KIAA1328: variants seen among roughly 807,000 people sequenced by gnomAD.
KIAA1328 encodes the protein protein hinderin.
KIAA1328 carries 52 observed loss-of-function variants against 68.1 expected under a neutral mutation model. The observed-to-expected ratio is 0.76, with a 90% CI of 0.61 to 0.96. KIAA1328 has a LOEUF of 0.96. KIAA1328 is among the 40% of genes least tolerant of loss of function. The pLI, the probability that KIAA1328 is intolerant of heterozygous loss-of-function variation, is 0.00. For synonymous variants in KIAA1328, 232 were observed against 239.4 expected (o/e 0.97, Z 0.28); for missense variants, 641 against 677.6 (o/e 0.95, Z 0.60).
At chr18:36,956,543 T>TTG (rs766320088) in intron 5 of KIAA1328, among the ~76,000 whole-genome samples, 3 of 137,164 alleles carry the variant, frequency 2.2e-5, no homozygotes, top group Non-Finnish European at 4.7e-5. Flanking sequence ...AGGAAGGAAG[T>TTG]GGGGGGGGGG....
intron 7 of KIAA1328, among the ~76,000 whole-genome samples, chr18:37,126,281 C>T (rs2151945338): frequency 6.6e-6 from 1 of 152,244 alleles, no homozygotes; most frequent in African/African-American, 2.4e-5. Flanking sequence ...TAGTCCTAAA[C>T]ATTTCACATA....
chr18:37,141,257 A>T (rs1022903549), intron 7 of KIAA1328, among the ~76,000 whole-genome samples: 8 of 152,190 alleles, frequency 5.3e-5, no homozygotes, highest in African/African-American at 1.9e-4. Flanking sequence ...GTTTCCCTCC[A>T]AAGATCCCTA....
chr18:37,011,432 A>G (rs1358222130), intron 6 of KIAA1328, among the ~76,000 whole-genome samples: 2 of 152,134 alleles, frequency 1.3e-5, no homozygotes, highest in African/African-American at 4.8e-5. Flanking sequence ...TGCACTCTTC[A>G]TTGTAAATAA....
Position 36,877,857 on chromosome 18 carries a change from C to T in KIAA1328, c.333-7700C>T, listed in dbSNP as rs188260169. Among the ~76,000 whole-genome samples, 24 of 151,684 alleles carry T rather than the reference C, an allele frequency of 1.6e-4. No individual in the cohort carries two copies. The East Asian group carries it at 1.8e-3, about 11-fold the overall frequency. On this transcript the variant is annotated intron_variant, in intron 4 of 9. Coordinates refer to ENST00000280020, the MANE Select transcript of KIAA1328 (RefSeq NM_020776.3). ...AATTTTTTTGTATTTTTATTAGAGA[C>T]GGGGTTTCACCATGTTAGCCAGGAT...
chr18:36,959,654 G>T (rs1399273983), intron 6 of KIAA1328, among the ~76,000 whole-genome samples: 1 of 152,088 alleles, frequency 6.6e-6, no homozygotes, highest in Admixed American at 6.6e-5. Flanking sequence ...CAGTCTGTGT[G>T]GGTCAGTGGG....
At chr18:37,185,362 T>C (rs1317523026) in intron 9 of KIAA1328, among the ~76,000 whole-genome samples, 1 of 152,024 alleles carries the variant, frequency 6.6e-6, no homozygotes, top group Non-Finnish European at 1.5e-5. Context: ...CAAAATCATG[T>C]CTGGAAAACA....
chr18:37,022,290 TAAGG>T (rs1227963049), intron 6 of KIAA1328, among the ~76,000 whole-genome samples: 1 of 152,098 alleles, frequency 6.6e-6, no homozygotes, highest in East Asian at 1.9e-4. Context: ...AGTATTCAGA[TAAGG>T]AAGGTATAGA....
intron 5 of KIAA1328, among the ~76,000 whole-genome samples, chr18:36,951,330 A>C (rs1171130016): frequency 3.3e-5 from 5 of 152,180 alleles, no homozygotes; most frequent in Non-Finnish European, 5.9e-5. Flanking sequence ...CATCTCATTC[A>C]GTCTCAGATG....
chr18:36,866,685 A>G (rs1250414155), intron 4 of KIAA1328, among the ~76,000 whole-genome samples: 1 of 152,154 alleles, frequency 6.6e-6, no homozygotes, highest in Non-Finnish European at 1.5e-5. Flanking sequence ...ACTTTTGGAT[A>G]AATAGAGAAT....
chr18:36,848,541 C>CTTTGTTTTT, intron 4 of KIAA1328, among the ~76,000 whole-genome samples: 1 of 38,152 alleles, frequency 2.6e-5, no homozygotes, highest in African/African-American at 1.2e-4. Flanking sequence ...TCTATAGATG[C>CTTTGTTTTT]TTTTTTTTTT....
chr18:36,931,493 C>A (rs1409000962), intron 5 of KIAA1328, among the ~76,000 whole-genome samples: 3 of 152,044 alleles, frequency 2.0e-5, no homozygotes, highest in East Asian at 3.9e-4. Flanking sequence ...CATACCACCC[C>A]ACAATGTCTG....
intron 5 of KIAA1328, among the ~76,000 whole-genome samples, chr18:36,953,995 C>CTTTTTCTTTTTTTTTT (rs2051286847): frequency 8.8e-6 from 1 of 113,548 alleles, no homozygotes; most frequent in African/African-American, 3.0e-5. Flanking sequence ...CTGATTGTTT[C>CTTTTTCTTTTTTTTTT]TTTTTTTTTT....
chr18:37,069,207 T>A (rs1483511313), intron 7 of KIAA1328, among the ~76,000 whole-genome samples: 6 of 152,044 alleles, frequency 3.9e-5, no homozygotes, highest in Non-Finnish European at 5.9e-5. Flanking sequence ...TATGATTTTT[T>A]AAAATGTTAC....
chr18:37,132,128 C>T (rs2058537337), intron 7 of KIAA1328, among the ~76,000 whole-genome samples: 1 of 151,802 alleles, frequency 6.6e-6, no homozygotes, highest in Admixed American at 6.6e-5. Context: ...TGTTTATTTA[C>T]CCAAAGCTGC....
intron 9 of KIAA1328, among the ~76,000 whole-genome samples, chr18:37,178,796 T>C (rs2059643833): frequency 6.6e-6 from 1 of 152,198 alleles, no homozygotes; most frequent in Non-Finnish European, 1.5e-5. Flanking sequence ...GATATTTCAT[T>C]GTGGTTTTGA....
intron 6 of KIAA1328, among the ~76,000 whole-genome samples, chr18:37,036,630 C>A (rs1486147390): frequency 6.6e-6 from 1 of 152,202 alleles, no homozygotes; most frequent in East Asian, 1.9e-4. Flanking sequence ...TCACAGCCAC[C>A]TGCTCTTTTT....
intron 6 of KIAA1328, among the ~76,000 whole-genome samples, chr18:37,021,444 T>C (rs1050343569): frequency 2.0e-5 from 3 of 152,212 alleles, no homozygotes; most frequent in Non-Finnish European, 4.4e-5. Context: ...GTTCTTATAA[T>C]GAAACCTATT....
chr18:37,038,945 CT>C (rs1173411910), intron 6 of KIAA1328, among the ~76,000 whole-genome samples: 1 of 152,018 alleles, frequency 6.6e-6, no homozygotes, highest in Non-Finnish European at 1.5e-5. Flanking sequence ...TTGTTGGATG[CT>C]TTTTCTGTTT....
chr18:36,884,882 C>G (rs1378264876), intron 4 of KIAA1328, among the ~76,000 whole-genome samples: 1 of 152,038 alleles, frequency 6.6e-6, no homozygotes, highest in Non-Finnish European at 1.5e-5. Flanking sequence ...TCTCTGTGCT[C>G]TTGTCAGAAG....
Sources: allele counts gnomAD v4.1 joint callset (sites outside exome capture counted in the v4.1 genomes callset), GRCh38; gene constraint gnomAD v4.1.1; transcripts MANE v1.5; gene names NCBI Gene and HGNC (gene_info 2026-07-23, HGNC 2026-07-21).